Variants in DIP2C observed in about 807,000 individuals in gnomAD.
DIP2C encodes DIP2 acetate--CoA ligase C (putative).
Under a neutral mutation model 192.4 loss-of-function variants are expected in DIP2C, and 33 were observed. The ratio of observed to expected loss-of-function variants is 0.17; its 90% CI spans 0.13 to 0.23. The LOEUF (loss-of-function observed/expected upper bound fraction) is 0.23, where lower values mean the gene tolerates loss of function less well. Among genes scored for constraint, DIP2C ranks in the 10% least tolerant of loss-of-function variants. DIP2C has a pLI of 1.00. For synonymous variants in DIP2C, 979 were observed against 864.1 expected (o/e 1.13, Z -2.33); for missense variants, 1,537 against 2,110.1 (o/e 0.73, Z 5.32).
intron 3 of DIP2C, among the ~76,000 whole-genome samples, chr10:450,862 G>A (rs773025127): frequency 1.2e-4 from 19 of 152,160 alleles, no homozygotes; most frequent in Non-Finnish European, 2.5e-4. Context: ...CTAAAAAGAC[G>A]AAGGAAATAG....
intron 1 of DIP2C, among the ~76,000 whole-genome samples, chr10:671,434 G>A (rs1423174494): frequency 8.0e-6 from 1 of 125,640 alleles, no homozygotes; most frequent in East Asian, 2.4e-4. Context: ...AAACGTCACA[G>A]ACGCACGGAC....
intron 1 of DIP2C, among the ~76,000 whole-genome samples, chr10:679,433 A>G (rs1449260273): frequency 1.5e-4 from 3 of 19,596 alleles, no homozygotes; most frequent in African/African-American, 5.7e-4. Flanking sequence ...GCCCATCTGT[A>G]CTCCCCACAC....
At position 281,126 on chromosome 10, in the gene DIP2C, C is replaced by T. The variant is rs1954798260; in HGVS notation, c.4418+74G>A. On this transcript the variant is annotated intron_variant, in intron 36 of 36. Transcript: ENST00000280886. ...CCTTAACAAAACTCTCCTCCACCGC[C>T]GTGCTCTCCACATTCTCAATGCTTC... 24 of 1,584,998 alleles carry T rather than the reference C, an allele frequency of 1.5e-5. No homozygotes were observed. In the Middle Eastern group the frequency reaches 1.0e-3, roughly 66 times the overall value.
rs549493658 is a variant in DIP2C, at chr10:384,324, C to T, written c.1757-178G>A. ...TGTGATCTTGGCTCACCGCAACCTC[C>T]TTCTCCTGGGTTCAAGATTTCTCCT... is the stretch of plus-strand genomic sequence containing the variant. On this transcript the variant is annotated intron_variant, in intron 15 of 36. Coordinates refer to ENST00000280886, the MANE Select transcript of DIP2C (RefSeq NM_014974.3). 4.1e-5 allele frequency among the ~76,000 whole-genome samples: 5 copies of T among 121,484 alleles called. No homozygotes were observed. The South Asian group carries it at 1.4e-3, about 34-fold the overall frequency. 79.7% of individuals were successfully genotyped at this position (121,484 alleles called of 152,430 possible).
chr10:572,287 ATC>A (rs1478518514), intron 1 of DIP2C, among the ~76,000 whole-genome samples: 1 of 152,198 alleles, frequency 6.6e-6, no homozygotes, highest in African/African-American at 2.4e-5. Context: ...TGCTAACCAC[ATC>A]TCTTCTCTCA....
intron 1 of DIP2C, among the ~76,000 whole-genome samples, chr10:661,438 C>A (rs1049320955): frequency 1.3e-5 from 2 of 152,224 alleles, no homozygotes; most frequent in Non-Finnish European, 2.9e-5. Context: ...GCTCCCTGCG[C>A]TTCTCACCAG....
chr10:449,124 T>C (rs1481612891), intron 3 of DIP2C, among the ~76,000 whole-genome samples: 1 of 135,738 alleles, frequency 7.4e-6, no homozygotes, highest in Admixed American at 7.3e-5. Context: ...TCATCCCTGT[T>C]GATACTCAGG....
chr10:671,309 A>AGACGGAGGAAATGCCACAGACGCACG (rs1830621746), intron 1 of DIP2C, among the ~76,000 whole-genome samples: 1 of 151,460 alleles, frequency 6.6e-6, no homozygotes, highest in East Asian at 1.9e-4. Context: ...ACAGATCCAC[A>AGACGGAGGAAATGCCACAGACGCACG]GACGGAGGAA....
intron 3 of DIP2C, among the ~76,000 whole-genome samples, chr10:464,941 C>T (rs992532968): frequency 7.3e-5 from 11 of 150,804 alleles, no homozygotes; most frequent in African/African-American, 9.7e-5. Context: ...GATTCACAGC[C>T]GAATTCTACC....
At chr10:467,422 C>T (rs973808210) in intron 3 of DIP2C, among the ~76,000 whole-genome samples, 1 of 149,792 alleles carries the variant, frequency 6.7e-6, no homozygotes, top group Non-Finnish European at 1.5e-5. Flanking sequence ...GGGAGATATA[C>T]CTAATGCTAG....
At chr10:541,027 TG>T (rs1564831897) in intron 1 of DIP2C, among the ~76,000 whole-genome samples, 3 of 136,252 alleles carry the variant, frequency 2.2e-5, no homozygotes, top group Admixed American at 7.1e-5. Flanking sequence ...CACCCGATGC[TG>T]GGGAGCCACA....
At chr10:462,266 A>C (rs978599105) in intron 3 of DIP2C, among the ~76,000 whole-genome samples, 2 of 152,192 alleles carry the variant, frequency 1.3e-5, no homozygotes, top group African/African-American at 4.8e-5. Flanking sequence ...AAGATCAACA[A>C]AATAGATAGA....
At chr10:439,318 C>T (rs1190731772) in intron 4 of DIP2C, among the ~76,000 whole-genome samples, 3 of 151,876 alleles carry the variant, frequency 2.0e-5, no homozygotes, top group African/African-American at 4.8e-5. Context: ...CTTGCTAGCA[C>T]GGCGTTCACT....
At chr10:312,464 A>G (rs1956606176) in intron 31 of DIP2C, among the ~76,000 whole-genome samples, 1 of 152,148 alleles carries the variant, frequency 6.6e-6, no homozygotes, top group Non-Finnish European at 1.5e-5. Flanking sequence ...CCACAACCCC[A>G]TGACGGCAAC....
At position 371,077 on chromosome 10, in the gene DIP2C, A is replaced by C. The variant is rs114118374; in HGVS notation, c.1992-1444T>G. Among the ~76,000 whole-genome samples, 914 of 152,240 alleles carry C rather than the reference A, an allele frequency of 6.0e-3. 4 individuals are homozygous for C. The highest frequency in any genetic ancestry group is 0.014 in the Middle Eastern group (4 of 294). The stretch of plus-strand genomic sequence containing the variant: ...CTTTCCATTATCCTCCTGGCCTTTA[A>C]TTCCTAGAGACCCCAAACAAATCAA... On this transcript the variant is annotated intron_variant, in intron 17 of 36. Coordinates refer to ENST00000280886, the MANE Select transcript of DIP2C (RefSeq NM_014974.3).
chr10:532,888 T>G (rs921236910), intron 1 of DIP2C, among the ~76,000 whole-genome samples: 5 of 152,118 alleles, frequency 3.3e-5, no homozygotes, highest in African/African-American at 1.2e-4. Context: ...CCTCCCAGGC[T>G]TGGGTGATCC....
chr10:574,454 A>C (rs1215277473), intron 1 of DIP2C, among the ~76,000 whole-genome samples: 1 of 152,266 alleles, frequency 6.6e-6, no homozygotes, highest in African/African-American at 2.4e-5. Context: ...TCCTCAGCAG[A>C]CAGCCTCATA....
chr10:342,442 G>C lies in DIP2C; in HGVS notation c.3454-1113C>G, dbSNP rs189478215. The stretch of plus-strand genomic sequence containing the variant: ...CAAAGTGCTGGGATTACAGGCACGA[G>C]ACACCGCGCCTGGCCTCGTGTGACC... On this transcript the variant is annotated intron_variant, in intron 28 of 36. Coordinates refer to ENST00000280886, the MANE Select transcript of DIP2C (RefSeq NM_014974.3). Among the ~76,000 whole-genome samples, 649 of 152,320 alleles carry C rather than the reference G, an allele frequency of 4.3e-3. 5 individuals are homozygous for C. Among genetic ancestry groups the C allele is most frequent in the African/African-American group, 0.014 (597 of 41,570 alleles).
intron 1 of DIP2C, among the ~76,000 whole-genome samples, chr10:566,988 C>A (rs1013251727): frequency 2.0e-5 from 3 of 152,196 alleles, no homozygotes; most frequent in African/African-American, 7.2e-5. Flanking sequence ...TTGAGATGAA[C>A]TGACCTATTC....
Sources: gnomAD v4.1 joint callset for allele counts (sites outside exome capture counted in the v4.1 genomes callset) on GRCh38, gnomAD v4.1.1 for gene constraint, MANE v1.5 for transcripts, NCBI Gene and HGNC (gene_info 2026-07-23, HGNC 2026-07-21) for gene names.